The following CLSTN2 variants were observed in gnomAD, a reference collection of about 807,000 sequenced individuals.
CLSTN2 encodes calsyntenin-2.
In CLSTN2, 48 loss-of-function variants were observed where a neutral mutation model predicts 101.2. The observed-to-expected ratio is 0.47, with a 90% CI of 0.38 to 0.60. The LOEUF is 0.60. Ranked by LOEUF, CLSTN2 falls within the 20% of genes least tolerant of loss-of-function variation. CLSTN2 has a pLI of 0.00. For synonymous variants in CLSTN2, 481 were observed against 463.6 expected, an observed-to-expected ratio of 1.04 and a Z score of -0.48; for missense variants, 1,160 against 1,238.2, an observed-to-expected ratio of 0.94 and a Z score of 0.95.
chr3:140,088,616 C>T (rs1220235984), intron 1 of CLSTN2, among the ~76,000 whole-genome samples: 5 of 152,136 alleles, frequency 3.3e-5, no homozygotes, highest in African/African-American at 1.2e-4. Flanking sequence ...CTGTCAGTAC[C>T]ACCCCTGCCC....
At chr3:140,159,722 C>G (rs747834796) in intron 1 of CLSTN2, among the ~76,000 whole-genome samples, 41 of 152,082 alleles carry the variant, frequency 2.7e-4, no homozygotes, top group Non-Finnish European at 5.6e-4. Context: ...TGTATGTTCA[C>G]TACAGCACAA....
At chr3:140,344,578 C>T (rs1462378238) in intron 2 of CLSTN2, among the ~76,000 whole-genome samples, 2 of 152,146 alleles carry the variant, frequency 1.3e-5, no homozygotes, top group African/African-American at 2.4e-5. Flanking sequence ...AAATACCCTC[C>T]CACTGGGGGT....
At chr3:139,980,550 A>G (rs1020671931) in intron 1 of CLSTN2, among the ~76,000 whole-genome samples, 1 of 151,752 alleles carries the variant, frequency 6.6e-6, no homozygotes, top group Non-Finnish European at 1.5e-5. Context: ...CTTGTCCTTT[A>G]TGTGTTTGTC....
At chr3:140,534,159 A>T (rs886099607) in intron 9 of CLSTN2, among the ~76,000 whole-genome samples, 3 of 152,134 alleles carry the variant, frequency 2.0e-5, no homozygotes, top group Non-Finnish European at 2.9e-5. Context: ...ATGCTAGAGA[A>T]ATGTTCCCCT....
intron 1 of CLSTN2, among the ~76,000 whole-genome samples, chr3:140,009,843 A>G (rs1202688824): frequency 1.3e-5 from 2 of 152,258 alleles, no homozygotes; most frequent in Non-Finnish European, 2.9e-5. Context: ...ACAAAAGTGC[A>G]TCAGCACTCA....
chr3:140,371,620 C>A (rs1263195345), intron 2 of CLSTN2, among the ~76,000 whole-genome samples: 1 of 152,194 alleles, frequency 6.6e-6, no homozygotes, highest in Admixed American at 6.5e-5. Context: ...CCCATGGAAT[C>A]CTTCCTCACA....
At chr3:140,414,706 T>A (rs1332632643) in intron 4 of CLSTN2, among the ~76,000 whole-genome samples, 2 of 151,900 alleles carry the variant, frequency 1.3e-5, no homozygotes, top group African/African-American at 4.8e-5. Context: ...CCCCTAAAAC[T>A]ATTAAAATAA....
At chr3:140,431,034 C>T (rs186020400) in intron 5 of CLSTN2, among the ~76,000 whole-genome samples, 21 of 152,316 alleles carry the variant, frequency 1.4e-4, no homozygotes, top group South Asian at 4.1e-4. Context: ...AGAAGAGAGA[C>T]ATAGCCTGCA....
chr3:140,118,202 G>A (rs557733543), intron 1 of CLSTN2, among the ~76,000 whole-genome samples: 1 of 152,166 alleles, frequency 6.6e-6, no homozygotes, highest in South Asian at 2.1e-4. Flanking sequence ...AATCAATCCT[G>A]ATGACACCCT....
chr3:140,285,070 TG>T (rs1032685187), intron 2 of CLSTN2, among the ~76,000 whole-genome samples: 55 of 152,210 alleles, frequency 3.6e-4, no homozygotes, highest in Middle Eastern at 3.4e-3. Flanking sequence ...TGGTCATTGC[TG>T]TGGGCAAGTG....
intron 8 of CLSTN2, among the ~76,000 whole-genome samples, chr3:140,529,620 C>A (rs1237738651): frequency 6.6e-6 from 1 of 152,144 alleles, no homozygotes; most frequent in Non-Finnish European, 1.5e-5. Flanking sequence ...GATCATAGAT[C>A]CACATTTATA....
intron 2 of CLSTN2, among the ~76,000 whole-genome samples, chr3:140,353,689 G>C (rs1275016441): frequency 6.6e-6 from 1 of 152,168 alleles, no homozygotes; most frequent in Admixed American, 6.5e-5. Flanking sequence ...AGGGATGATT[G>C]TATCTACCTC....
intron 1 of CLSTN2, among the ~76,000 whole-genome samples, chr3:140,089,347 G>A (rs2008736256): frequency 6.6e-6 from 1 of 152,126 alleles, no homozygotes; most frequent in African/African-American, 2.4e-5. Context: ...CTTGGATTAT[G>A]TGGCTTCTGA....
intron 1 of CLSTN2, among the ~76,000 whole-genome samples, chr3:140,061,567 C>T (rs557010193): frequency 8.5e-5 from 13 of 152,338 alleles, no homozygotes; most frequent in African/African-American, 2.9e-4. Context: ...TGGAAGTCCC[C>T]TGCACCACTC....
intron 1 of CLSTN2, among the ~76,000 whole-genome samples, chr3:140,079,385 A>G (rs797007266): frequency 2.0e-4 from 31 of 152,320 alleles, no homozygotes; most frequent in African/African-American, 7.0e-4. Flanking sequence ...AAATCGTTCT[A>G]AAAGATGACA....
chr3:140,331,595 G>A lies in CLSTN2; in HGVS notation c.233-72034G>A, dbSNP rs557425475. ...GGCTTCAGGTTGACATCTTCACCAA[G>A]GATATCTGGACATCTTTTTCCAGTT... is the stretch of plus-strand genomic sequence containing the variant. On this transcript the variant is annotated intron_variant, in intron 2 of 16. Transcript: ENST00000458420. Among the ~76,000 whole-genome samples, 67 of 152,250 alleles carry A rather than the reference G, an allele frequency of 4.4e-4. No homozygotes were observed. The South Asian group carries it at 0.014, about 31-fold the overall frequency.
chr3:140,135,336 G>T (rs1273657952), intron 1 of CLSTN2, among the ~76,000 whole-genome samples: 1 of 151,782 alleles, frequency 6.6e-6, no homozygotes, highest in South Asian at 2.1e-4. Flanking sequence ...TCCCTCTGTT[G>T]TGGTTGACAC....
intron 1 of CLSTN2, among the ~76,000 whole-genome samples, chr3:140,110,859 C>G (rs576532377): frequency 6.6e-6 from 1 of 152,270 alleles, no homozygotes; most frequent in Admixed American, 6.5e-5. Context: ...CCTCATAGCC[C>G]CTAGACCAAG....
intron 2 of CLSTN2, among the ~76,000 whole-genome samples, chr3:140,369,319 A>G (rs7623769): frequency 0.44 from 66,408 of 151,996 alleles, 15,136 homozygotes; most frequent in Non-Finnish European, 0.5. Flanking sequence ...AGTCAACAAT[A>G]AGAAAATAAG....
Sources: gnomAD v4.1 joint callset for allele counts (sites outside exome capture counted in the v4.1 genomes callset) on GRCh38, gnomAD v4.1.1 for gene constraint, MANE v1.5 for transcripts, NCBI Gene and HGNC (gene_info 2026-07-23, HGNC 2026-07-21) for gene names.